The following DPF3 variants were observed in gnomAD, a reference collection of about 807,000 sequenced individuals.
DPF3 encodes double PHD fingers 3.
A neutral mutation model predicts 56.8 loss-of-function variants in DPF3; 18 were observed. That is an observed-to-expected ratio of 0.32 (90% CI 0.22 to 0.47). The LOEUF (loss-of-function observed/expected upper bound fraction) is 0.47, where lower values mean the gene tolerates loss of function less well. Among genes scored for constraint, DPF3 ranks in the 20% least tolerant of loss-of-function variants. The pLI, the probability that DPF3 is intolerant of heterozygous loss-of-function variation, is 1.00. For synonymous variants in DPF3, 188 were observed against 180.2 expected (o/e 1.04, Z -0.35); for missense variants, 403 against 488.8 (o/e 0.82, Z 1.65).
intron 8 of DPF3, chr14:72,662,899 G>T: frequency 3.4e-6 from 3 of 878,420 alleles, no homozygotes; most frequent in Non-Finnish European, 4.1e-6. Context: ...ACTTAAAAAA[G>T]AAAGATGAAA....
chr14:72,875,089 G>C (rs1020660721), intron 1 of DPF3, among the ~76,000 whole-genome samples: 1 of 152,184 alleles, frequency 6.6e-6, no homozygotes, highest in Non-Finnish European at 1.5e-5. Context: ...ACCAGATCTT[G>C]TGAGACTTAT....
intron 1 of DPF3, among the ~76,000 whole-genome samples, chr14:72,860,064 G>A (rs991492895): frequency 6.6e-6 from 1 of 152,116 alleles, no homozygotes; most frequent in African/African-American, 2.4e-5. Flanking sequence ...CACTGTGGCA[G>A]GCCCACCTGG....
chr14:72,707,237 T>C (rs1395474985), intron 6 of DPF3, among the ~76,000 whole-genome samples: 1 of 152,216 alleles, frequency 6.6e-6, no homozygotes, highest in Admixed American at 6.5e-5. Context: ...TGTTGGACAT[T>C]TGGGTTGATT....
At chr14:72,774,012 C>G (rs952771737) in intron 1 of DPF3, 2 of 453,308 alleles carry the variant, frequency 4.4e-6, no homozygotes, top group African/African-American at 4.0e-5. Flanking sequence ...AGGCTGGGCG[C>G]AGTGGCTCAT....
At chr14:72,701,222 T>A (rs532614010) in intron 6 of DPF3, among the ~76,000 whole-genome samples, 1 of 152,296 alleles carries the variant, frequency 6.6e-6, no homozygotes, top group East Asian at 1.9e-4. Context: ...CTGGGACCAG[T>A]CAGCCCTGCC....
At chr14:72,682,349 G>T (rs1887200890) in intron 7 of DPF3, among the ~76,000 whole-genome samples, 1 of 152,040 alleles carries the variant, frequency 6.6e-6, no homozygotes, top group African/African-American at 2.4e-5. Context: ...TTCATGCCCT[G>T]GTGTGGCAAC....
intron 6 of DPF3, among the ~76,000 whole-genome samples, chr14:72,698,889 C>A (rs1247263052): frequency 6.6e-6 from 1 of 152,140 alleles, no homozygotes; most frequent in African/African-American, 2.4e-5. Context: ...GTGCTGTGTC[C>A]CGATGACCAG....
intron 8 of DPF3, chr14:72,669,821 A>G (rs1886591157): frequency 1.1e-6 from 1 of 883,558 alleles, no homozygotes; most frequent in Admixed American, 6.2e-5. Flanking sequence ...AGCCACTCTT[A>G]CACTAAGAAG....
rs1883759227 is a variant in DPF3, at chr14:72,612,048, C to T, written c.*7249G>A. ...GCATTGCCTCGCACACAGTCGATGC[C>T]CTGCCAAGGGTTTTAATTTAGCCAG... On this transcript the variant is annotated 3_prime_UTR_variant, in exon 11 of 11. Transcript: ENST00000556509. Among the ~76,000 whole-genome samples, 1 of 152,130 alleles carries T rather than the reference C, an allele frequency of 6.6e-6. No individual in the cohort carries two copies. Among genetic ancestry groups the T allele is most frequent in the African/African-American group, 2.4e-5 (1 of 41,438 alleles).
chr14:72,861,747 GAAAGAAAGAA>G (rs779870929), intron 1 of DPF3, among the ~76,000 whole-genome samples: 71 of 15,648 alleles, frequency 4.5e-3, no homozygotes, highest in East Asian at 0.013. Context: ...GAGAAAGAAA[GAAAGAAAGAA>G]AGAAAGAAAG....
chr14:72,790,213 C>G (rs1892372877), intron 1 of DPF3, among the ~76,000 whole-genome samples: 1 of 152,066 alleles, frequency 6.6e-6, no homozygotes, highest in South Asian at 2.1e-4. Flanking sequence ...AAAGCGAGAC[C>G]CCATCTCTTA....
intron 7 of DPF3, among the ~76,000 whole-genome samples, chr14:72,689,768 G>A (rs919545800): frequency 7.9e-5 from 12 of 152,152 alleles, no homozygotes; most frequent in African/African-American, 2.7e-4. Context: ...AGAGAACCTG[G>A]GACGACCAGC....
At chr14:72,622,126 A>G (rs1884488784) in intron 9 of DPF3, among the ~76,000 whole-genome samples, 1 of 152,198 alleles carries the variant, frequency 6.6e-6, no homozygotes, top group Non-Finnish European at 1.5e-5. Flanking sequence ...CCTTGAAATG[A>G]TACACACAAT....
chr14:72,870,751 G>A (rs773333291), intron 1 of DPF3, among the ~76,000 whole-genome samples: 4 of 152,248 alleles, frequency 2.6e-5, no homozygotes, highest in Admixed American at 6.5e-5. Flanking sequence ...TTTACAGATG[G>A]AAAAACAGGG....
intron 1 of DPF3, among the ~76,000 whole-genome samples, chr14:72,868,532 G>C (rs1885770514): frequency 6.6e-6 from 1 of 152,308 alleles, no homozygotes; most frequent in Admixed American, 6.5e-5. Context: ...TCCAGCGGAG[G>C]AGGCCCAGGA....
chr14:72,814,590 G>A (rs556220668), intron 1 of DPF3, among the ~76,000 whole-genome samples: 2 of 152,222 alleles, frequency 1.3e-5, no homozygotes, highest in African/African-American at 2.4e-5. Context: ...TGAAGCAGAC[G>A]GATCTCTTGA....
chr14:72,612,913 T>C lies in DPF3; in HGVS notation c.*6384A>G, dbSNP rs751649800. On this transcript the variant is annotated 3_prime_UTR_variant, in exon 11 of 11. Transcript: ENST00000556509. ...GGACTGGAGAAGACTTCAGGAAAGA[T>C]GCACCTTGCCTGGCAGCCCCTGGCT... 4.7e-4 allele frequency among the ~76,000 whole-genome samples: 72 copies of C among 152,050 alleles called. 1 individual carries two copies. The highest frequency in any genetic ancestry group is 9.1e-4 in the Non-Finnish European group (62 of 68,018).
intron 1 of DPF3, among the ~76,000 whole-genome samples, chr14:72,883,097 C>T (rs919867532): frequency 3.3e-5 from 5 of 152,118 alleles, no homozygotes; most frequent in South Asian, 2.1e-4. Context: ...AAAGATGTAT[C>T]GAGAGTTGCT....
At chr14:72,683,424 C>A (rs1431985078) in intron 7 of DPF3, among the ~76,000 whole-genome samples, 1 of 151,154 alleles carries the variant, frequency 6.6e-6, no homozygotes, top group Non-Finnish European at 1.5e-5. Context: ...TTAACAAATG[C>A]TCCAGGTGAT....
Sources: gnomAD v4.1 joint callset for allele counts (sites outside exome capture counted in the v4.1 genomes callset) on GRCh38, gnomAD v4.1.1 for gene constraint, MANE v1.5 for transcripts, NCBI Gene and HGNC (gene_info 2026-07-23, HGNC 2026-07-21) for gene names.